Variants in PADI4 observed in about 807,000 individuals in gnomAD.
The protein encoded by PADI4 is protein-arginine deiminase type-4.
Under a neutral mutation model 75.0 loss-of-function variants are expected in PADI4, and 62 were observed. That is an observed-to-expected ratio of 0.83 (90% CI 0.67 to 1.02). The LOEUF (loss-of-function observed/expected upper bound fraction) is 1.02, where lower values mean the gene tolerates loss of function less well. Ranked by LOEUF, PADI4 falls within the 50% of genes least tolerant of loss-of-function variation. The pLI is 0.00. For missense variants in PADI4, 845 were observed against 850.5 expected (o/e 0.99, Z 0.08); for synonymous variants, 361 against 348.1 (o/e 1.04, Z -0.41).
chr1:17,333,372 A>G (rs1272938900), intron 2 of PADI4, among the ~76,000 whole-genome samples: 1 of 151,794 alleles, frequency 6.6e-6, no homozygotes, highest in African/African-American at 2.4e-5. Flanking sequence ...TTTTGCTTGG[A>G]TGTGTCAACC....
rs1394211271 is a variant in PADI4 at position 17,339,197 on chromosome 1, C to A, written c.527-491C>A. Among the ~76,000 whole-genome samples the A allele has an allele frequency of 2.0e-5, 3 of 152,142 alleles. No homozygotes were observed. The East Asian group carries it at 5.8e-4, about 29-fold the overall frequency. Reference sequence around the variant, plus strand: ...TTAAGCCCTTGGCTATCAGTCAGTCCCTTGGGAACCATCTCTTCACTCTCC... The same window carrying A: ...TTAAGCCCTTGGCTATCAGTCAGTCACTTGGGAACCATCTCTTCACTCTCC... On this transcript the variant is annotated intron_variant, in intron 5 of 15. Transcript: ENST00000375448.
chr1:17,311,553 C>T (rs926156789), intron 1 of PADI4, among the ~76,000 whole-genome samples: 1 of 151,052 alleles, frequency 6.6e-6, no homozygotes, highest in East Asian at 2.0e-4. Context: ...AACGGAGTCT[C>T]GCTCTGTCCA....
Position 17,363,603 on chromosome 1 carries a change from GAGA to G in PADI4, c.1843_1845del (p.Lys615del). 6.2e-7 allele frequency: 1 copy of G among 1,614,194 alleles called. No individual in the cohort carries two copies. Among genetic ancestry groups the G allele is most frequent in the Non-Finnish European group, 8.5e-7 (1 of 1,180,016 alleles). On this transcript the variant is annotated inframe_deletion, in exon 16 of 16. Coordinates refer to ENST00000375448, the MANE Select transcript of PADI4 (RefSeq NM_012387.3). ...CATCAACGGCCGCTGCTGCCTGGAG[GAGA>G]AGGTGTGTTCCCTGCTGGAGCCACT...
chr1:17,322,171 T>C (rs1384131196), intron 1 of PADI4, among the ~76,000 whole-genome samples: 3 of 152,164 alleles, frequency 2.0e-5, no homozygotes, highest in Non-Finnish European at 4.4e-5. Context: ...AGATAAGCTC[T>C]GTCCTTTGCC....
chr1:17,349,732 AAAC>A lies in PADI4; in HGVS notation c.1155+1693_1155+1695del, dbSNP rs1230720585. Among the ~76,000 whole-genome samples, 5 of 96,370 alleles carry A rather than the reference AAAC, an allele frequency of 5.2e-5. 1 individual carries two copies. The highest frequency in any genetic ancestry group is 1.2e-4 in the Non-Finnish European group (5 of 40,046). 63.2% of individuals were successfully genotyped at this position (96,370 alleles called of 152,430 possible). A position where few individuals can be genotyped will look rare whatever the true frequency, so the allele number is the denominator to read the frequency against. On this transcript the variant is annotated intron_variant, in intron 10 of 15. Coordinates refer to ENST00000375448, the MANE Select transcript of PADI4 (RefSeq NM_012387.3). ...AAAAAAAAAAAGAAAGAAAAAGAAAAAACAACAACAAAAAACACCCAAATCACT... is the reference window on the plus strand; with the variant it reads ...AAAAAAAAAAAGAAAGAAAAAGAAAAAACAACAAAAAACACCCAAATCACT...
At chr1:17,347,766 C>A (rs543709102) in intron 9 of PADI4, among the ~76,000 whole-genome samples, 175 bp from the exon 10 acceptor site, 1 of 152,360 alleles carries the variant, frequency 6.6e-6, no homozygotes, top group East Asian at 1.9e-4. Context: ...ACTGGGCAAA[C>A]AGGGGGCAAT....
At chr1:17,352,440 G>T (rs1414496308) in intron 10 of PADI4, among the ~76,000 whole-genome samples, 2 of 152,248 alleles carry the variant, frequency 1.3e-5, no homozygotes, top group South Asian at 2.1e-4. Flanking sequence ...GTTAGAAAAG[G>T]GAACAAGCCC....
At chr1:17,351,913 G>A (rs1305792447) in intron 10 of PADI4, among the ~76,000 whole-genome samples, 2 of 151,962 alleles carry the variant, frequency 1.3e-5, no homozygotes, top group Non-Finnish European at 2.9e-5. Context: ...GGAGCTGATG[G>A]GAGGCAGTAG....
chr1:17,343,996 C>T (rs1168820208), intron 8 of PADI4, among the ~76,000 whole-genome samples: 1 of 152,138 alleles, frequency 6.6e-6, no homozygotes, highest in Non-Finnish European at 1.5e-5. Flanking sequence ...GTTTGGAGGG[C>T]TCAGAGGAAG....
chr1:17,351,609 CAAA>C (rs56047360), intron 10 of PADI4, among the ~76,000 whole-genome samples: 4,769 of 97,814 alleles, frequency 0.049, 201 homozygotes, highest in African/African-American at 0.17. Context: ...GACCTGGTCT[CAAA>C]AAAAAAAAAA....
At chr1:17,359,038 A>C in intron 14 of PADI4, 130 bp downstream of exon 14, 1 of 708,894 alleles carries the variant, frequency 1.4e-6, no homozygotes, top group Non-Finnish European at 2.4e-6. Flanking sequence ...ACACAGAAGC[A>C]AGGGCAGAAG....
intron 5 of PADI4, 47 bp downstream of exon 5, chr1:17,338,202 T>G (rs774401465): frequency 1.6e-6 from 2 of 1,218,536 alleles, no homozygotes; most frequent in East Asian, 4.7e-5. Context: ...TATAAAGCCC[T>G]TTTGCCCACA....
chr1:17,336,938 A>G (rs947164758), intron 4 of PADI4, among the ~76,000 whole-genome samples: 2 of 152,246 alleles, frequency 1.3e-5, no homozygotes, highest in Admixed American at 6.5e-5. Context: ...GGGAGGCGCC[A>G]TCACTATTAG....
chr1:17,349,820 C>T (rs1248842487), intron 10 of PADI4, among the ~76,000 whole-genome samples: 2 of 127,654 alleles, frequency 1.6e-5, no homozygotes, highest in South Asian at 6.0e-4. Flanking sequence ...CCCCACCTGC[C>T]TCTCCAGCAC....
At chr1:17,332,349 C>T (rs565097394) in intron 2 of PADI4, among the ~76,000 whole-genome samples, 4 of 152,262 alleles carry the variant, frequency 2.6e-5, no homozygotes, top group South Asian at 2.1e-4. Flanking sequence ...TGGGTTCAAA[C>T]GATTCTCCTA....
At chr1:17,320,102 G>T (rs993853631) in intron 1 of PADI4, among the ~76,000 whole-genome samples, 19 of 152,178 alleles carry the variant, frequency 1.2e-4, no homozygotes, top group Non-Finnish European at 2.5e-4. Flanking sequence ...CAAGGTGTCG[G>T]CAAGGCTGTA....
chr1:17,354,077 TAAAAA>T (rs11327771), intron 10 of PADI4, among the ~76,000 whole-genome samples: 2 of 135,812 alleles, frequency 1.5e-5, no homozygotes, highest in Non-Finnish European at 3.2e-5. Flanking sequence ...CCATCTCTAC[TAAAAA>T]AAAAAAAAAA....
rs1020308078 is a variant in PADI4 at position 17,347,784 on chromosome 1, G to A, written c.1048-157G>A. The A allele has an allele frequency of 1.3e-5, 6 of 467,210 alleles. No individual in the cohort carries two copies. In the South Asian group the frequency reaches 1.4e-4, roughly 11 times the overall value. 28.9% of individuals were successfully genotyped at this position (467,210 alleles called of 1,614,324 possible). ...GGGCAAACAGGGGGCAATAAGCTCCGCTTCTGAGCCCCTTCTCTGAGATCA... is the reference window on the plus strand; with the variant it reads ...GGGCAAACAGGGGGCAATAAGCTCCACTTCTGAGCCCCTTCTCTGAGATCA... On this transcript the variant is annotated intron_variant, in intron 9 of 15. Coordinates refer to ENST00000375448, the MANE Select transcript of PADI4 (RefSeq NM_012387.3).
At chr1:17,355,695 T>G (rs1193422191) in intron 11 of PADI4, among the ~76,000 whole-genome samples, 1 of 152,200 alleles carries the variant, frequency 6.6e-6, no homozygotes, top group Non-Finnish European at 1.5e-5. Flanking sequence ...AAGCCCCATG[T>G]GTACCCAGAA....
Sources: gnomAD v4.1 joint callset for allele counts (sites outside exome capture counted in the v4.1 genomes callset) on GRCh38, gnomAD v4.1.1 for gene constraint, MANE v1.5 for transcripts, NCBI Gene and HGNC (gene_info 2026-07-23, HGNC 2026-07-21) for gene names.